The following SLIT3 variants were observed in gnomAD, a reference collection of about 807,000 sequenced individuals.
SLIT3 encodes the protein slit homolog 3 protein.
SLIT3 carries 68 observed loss-of-function variants against 184.0 expected under a neutral mutation model. The ratio of observed to expected loss-of-function variants is 0.37; its 90% confidence interval spans 0.30 to 0.45. The LOEUF is 0.45. Among genes scored for constraint, SLIT3 ranks in the 20% least tolerant of loss-of-function variants. SLIT3 has a pLI of 1.00. For synonymous variants in SLIT3, 831 were observed against 828.6 expected (o/e 1.00, Z -0.05); for missense variants, 1,707 against 2,026.0 (o/e 0.84, Z 3.02).
At chr5:168,759,553 T>C (rs1755068165) in intron 16 of SLIT3, among the ~76,000 whole-genome samples, 1 of 152,016 alleles carries the variant, frequency 6.6e-6, no homozygotes, top group African/African-American at 2.4e-5. Context: ...ACCACAAACA[T>C]GCAAAACCCA....
intron 20 of SLIT3, among the ~76,000 whole-genome samples, chr5:168,732,886 A>T (rs1763328786): frequency 6.6e-6 from 1 of 152,166 alleles, no homozygotes; most frequent in South Asian, 2.1e-4. Context: ...CCTAGGAAAA[A>T]CTCTTTTGGA....
In SLIT3 at chr5:169,111,077, C is replaced by T. The variant is rs534212007; in HGVS notation, c.413+82402G>A. Among the ~76,000 whole-genome samples the T allele has an allele frequency of 2.0e-5, 3 of 152,318 alleles. No homozygotes were observed. The East Asian group carries it at 5.8e-4, about 29-fold the overall frequency. On this transcript the variant is annotated intron_variant, in intron 4 of 35. Transcript: ENST00000519560. ...GTGCATCCTTCCTCGCAGGGCCTTG[C>T]TGTAAACTGCCCCATGCCTAGGCCA... is the stretch of plus-strand genomic sequence containing the variant.
At chr5:168,830,946 T>C (rs1262580232) in intron 6 of SLIT3, among the ~76,000 whole-genome samples, 1 of 151,898 alleles carries the variant, frequency 6.6e-6, no homozygotes, top group Admixed American at 6.6e-5. Context: ...GCAGGGAACA[T>C]GGTGTTGGCC....
At chr5:168,753,496 G>T (rs903698668) in intron 17 of SLIT3, among the ~76,000 whole-genome samples, 20 of 152,238 alleles carry the variant, frequency 1.3e-4, no homozygotes, top group African/African-American at 4.8e-4. Flanking sequence ...TGTGCATGTT[G>T]CACGTGTCTG....
chr5:169,075,303 G>T (rs1385836598), intron 4 of SLIT3, among the ~76,000 whole-genome samples: 1 of 152,156 alleles, frequency 6.6e-6, no homozygotes, highest in Non-Finnish European at 1.5e-5. Flanking sequence ...GTTGATGCCA[G>T]GATTTTTGCA....
chr5:168,928,858 G>A (rs902174002), intron 4 of SLIT3, among the ~76,000 whole-genome samples: 3 of 152,190 alleles, frequency 2.0e-5, no homozygotes, highest in Admixed American at 6.5e-5. Context: ...GATAGAGAAA[G>A]TAACCCAGGC....
chr5:168,990,333 T>C (rs1040148643), intron 4 of SLIT3, among the ~76,000 whole-genome samples: 14 of 152,218 alleles, frequency 9.2e-5, no homozygotes, highest in Non-Finnish European at 2.1e-4. Flanking sequence ...GCCCCAGCTC[T>C]AAAACCTTTA....
chr5:168,669,872 T>C lies in SLIT3; in HGVS notation c.4247A>G (p.Lys1416Arg), dbSNP rs775669982. 6.8e-5 allele frequency: 109 copies of C among 1,614,076 alleles called. 2 individuals are homozygous for C. In the South Asian group the frequency reaches 1.0e-3, roughly 15 times the overall value. ...GATGTGGCACTGCCCATGGTGACACTTGAAGGCTGAGCAGGCATTGGCAGA... is the reference window on the plus strand; with the variant it reads ...GATGTGGCACTGCCCATGGTGACACCTGAAGGCTGAGCAGGCATTGGCAGA... ...NDSANACSAF[K>R]CHHGQCHISD... Residue 1416 changes from lysine (K) to arginine (R), a missense_variant, in exon 35 of 36, where the codon AAG becomes AGG. This residue lies in a region of SLIT3 where 387 missense variants were observed against 477.9 expected (regional missense o/e 0.81). Coordinates refer to ENST00000519560, the MANE Select transcript of SLIT3 (RefSeq NM_003062.4).
At chr5:169,247,833 A>G (rs548878661) in intron 2 of SLIT3, among the ~76,000 whole-genome samples, 1 of 152,246 alleles carries the variant, frequency 6.6e-6, no homozygotes, top group Non-Finnish European at 1.5e-5. Context: ...AGCCTTGTCC[A>G]GGCTGGTCTT....
chr5:168,838,139 G>T (rs1446886192), intron 6 of SLIT3, among the ~76,000 whole-genome samples: 1 of 152,230 alleles, frequency 6.6e-6, no homozygotes, highest in East Asian at 1.9e-4. Flanking sequence ...ATGTATGTGT[G>T]TTCCGGTAGG....
intron 4 of SLIT3, among the ~76,000 whole-genome samples, chr5:169,131,707 C>T (rs1761303531): frequency 6.6e-6 from 1 of 152,206 alleles, no homozygotes; most frequent in African/African-American, 2.4e-5. Context: ...CTATCCTCCT[C>T]CTTGGCTGAC....
At chr5:168,673,458 A>C in intron 32 of SLIT3, 127 bp from the exon 33 acceptor site, 1 of 889,932 alleles carries the variant, frequency 1.1e-6, no homozygotes, top group African/African-American at 1.7e-5. Flanking sequence ...AATAACTTTA[A>C]ACTTACATAA....
At chr5:168,828,658 CAA>C (rs56974958) in intron 6 of SLIT3, among the ~76,000 whole-genome samples, 6 of 97,102 alleles carry the variant, frequency 6.2e-5, no homozygotes, top group Non-Finnish European at 4.1e-5. Flanking sequence ...GATCCTGACT[CAA>C]AAAAAAAAAA....
At chr5:168,767,958 T>C (rs1329686654) in intron 14 of SLIT3, among the ~76,000 whole-genome samples, 1 of 152,158 alleles carries the variant, frequency 6.6e-6, no homozygotes, top group Non-Finnish European at 1.5e-5. Flanking sequence ...GAGATGTGGA[T>C]ACAGATCTCT....
chr5:168,801,955 C>A (rs1005688463), intron 9 of SLIT3, among the ~76,000 whole-genome samples: 1 of 151,894 alleles, frequency 6.6e-6, no homozygotes, highest in African/African-American at 2.4e-5. Context: ...GATAGGCAAC[C>A]CCCTCCCCTT....
chr5:168,774,874 A>T (rs1173360074), intron 12 of SLIT3, among the ~76,000 whole-genome samples: 1 of 152,136 alleles, frequency 6.6e-6, no homozygotes, highest in Non-Finnish European at 1.5e-5. Flanking sequence ...AACTGCATCT[A>T]TGTGTAGGCA....
At chr5:168,780,439 T>A (rs988181813) in intron 12 of SLIT3, among the ~76,000 whole-genome samples, 4 of 152,244 alleles carry the variant, frequency 2.6e-5, no homozygotes, top group South Asian at 4.1e-4. Flanking sequence ...TCATGAACAC[T>A]CAGATGCAGA....
intron 4 of SLIT3, among the ~76,000 whole-genome samples, chr5:168,936,184 A>G (rs982485480): frequency 4.6e-5 from 7 of 152,198 alleles, no homozygotes. Context: ...ATCAACATCC[A>G]CTGGGCCAAG....
At chr5:168,670,071 G>A (rs1761190257) in intron 34 of SLIT3, 80 bp from the exon 35 acceptor site, 2 of 1,173,774 alleles carry the variant, frequency 1.7e-6, no homozygotes, top group Non-Finnish European at 2.5e-6. Flanking sequence ...ACCCAGCCAG[G>A]GACCAGGGGA....
Sources: gnomAD v4.1 joint callset for allele counts (sites outside exome capture counted in the v4.1 genomes callset) on GRCh38, gnomAD v4.1.1 for gene constraint, gnomAD v4.1.1 regional missense constraint, MANE v1.5 for transcripts, NCBI Gene and HGNC (gene_info 2026-07-23, HGNC 2026-07-21) for gene names.